The following ARSB variants were observed in gnomAD, a reference collection of about 807,000 sequenced individuals.
ARSB encodes the protein N-acetylgalactosamine-4-sulfatase.
ARSB carries 41 observed loss-of-function variants against 50.9 expected under a neutral mutation model. The ratio of observed to expected loss-of-function variants is 0.81; its 90% CI spans 0.63 to 1.04. ARSB has a LOEUF of 1.04. ARSB is among the 50% of genes least tolerant of loss of function. ARSB has a pLI of 0.00. For synonymous variants in ARSB, 269 were observed against 284.8 expected (o/e 0.94, Z 0.56); for missense variants, 672 against 693.3 (o/e 0.97, Z 0.35).
At chr5:78,984,839 G>C (rs980523049) in intron 1 of ARSB, 98 bp downstream of exon 1, 1 of 1,032,192 alleles carries the variant, frequency 9.7e-7, no homozygotes, top group South Asian at 4.8e-5. Flanking sequence ...TCCGAGCCCC[G>C]CCTGCCAGCG....
chr5:78,854,040 G>C (rs993310636), intron 5 of ARSB, among the ~76,000 whole-genome samples: 2 of 152,260 alleles, frequency 1.3e-5, no homozygotes, highest in Non-Finnish European at 2.9e-5. Flanking sequence ...GCCCTGCTTA[G>C]GCTTGCGCAT....
intron 5 of ARSB, among the ~76,000 whole-genome samples, chr5:78,848,764 A>T (rs1289952530): frequency 6.6e-6 from 1 of 152,196 alleles, no homozygotes; most frequent in Non-Finnish European, 1.5e-5. Context: ...TTGCCATTCT[A>T]ACTGGTGTGA....
intron 5 of ARSB, among the ~76,000 whole-genome samples, chr5:78,873,955 A>G (rs1465415349): frequency 6.6e-6 from 1 of 152,250 alleles, no homozygotes; most frequent in Non-Finnish European, 1.5e-5. Context: ...AATAGTGATA[A>G]TAAAAAATCT....
At chr5:78,841,567 G>A (rs1187757670) in intron 5 of ARSB, among the ~76,000 whole-genome samples, 1 of 151,832 alleles carries the variant, frequency 6.6e-6, no homozygotes, top group South Asian at 2.1e-4. Context: ...AAAATTTCAG[G>A]GCCAGTATAT....
At chr5:78,899,594 C>T (rs926635988) in intron 4 of ARSB, among the ~76,000 whole-genome samples, 1 of 152,170 alleles carries the variant, frequency 6.6e-6, no homozygotes, top group African/African-American at 2.4e-5. Context: ...CTGCTTGGCT[C>T]ACTCTGCTGC....
chr5:78,914,680 A>C (rs1749461395), intron 4 of ARSB, among the ~76,000 whole-genome samples: 1 of 152,140 alleles, frequency 6.6e-6, no homozygotes, highest in Non-Finnish European at 1.5e-5. Context: ...TTATTTCATG[A>C]AAGTCTTTGT....
chr5:78,954,740 G>T (rs1751643291), intron 4 of ARSB, among the ~76,000 whole-genome samples: 1 of 152,134 alleles, frequency 6.6e-6, no homozygotes, highest in Non-Finnish European at 1.5e-5. Context: ...CCTGACCTCA[G>T]TTGATCCACC....
chr5:78,850,094 C>T (rs1745685231), intron 5 of ARSB, among the ~76,000 whole-genome samples: 1 of 151,766 alleles, frequency 6.6e-6, no homozygotes, highest in African/African-American at 2.4e-5. Flanking sequence ...ACTTCCAACA[C>T]TATGTTGAAT....
chr5:78,839,344 A>C lies in ARSB; in HGVS notation c.1213+12T>G. 6.2e-7 allele frequency: 1 copy of C among 1,611,638 alleles called. No individual in the cohort carries two copies. Among genetic ancestry groups the C allele is most frequent in the African/African-American group, 1.3e-5 (1 of 74,932 alleles). ...ATTAGATTTAATCTAGTAGCAATGC[A>C]CTGGTACTCACACGGTGAAGAGTCC... On this transcript the variant is annotated intron_variant, in intron 6 of 7. Transcript: ENST00000264914.
chr5:78,964,687 A>G (rs1752133612), intron 2 of ARSB, 81 bp from the exon 3 acceptor site: 2 of 1,304,296 alleles, frequency 1.5e-6, no homozygotes, highest in Admixed American at 3.6e-5. Flanking sequence ...TAATTGCCTA[A>G]TGCAATTGAT....
chr5:78,917,557 G>C (rs2112338998), intron 4 of ARSB, among the ~76,000 whole-genome samples: 1 of 152,122 alleles, frequency 6.6e-6, no homozygotes, highest in African/African-American at 2.4e-5. Flanking sequence ...CTATCATCCA[G>C]GCTGGAGTGT....
At chr5:78,935,273 A>G (rs1750527249) in intron 4 of ARSB, among the ~76,000 whole-genome samples, 1 of 152,238 alleles carries the variant, frequency 6.6e-6, no homozygotes, top group Non-Finnish European at 1.5e-5. Flanking sequence ...AGACTGCTTT[A>G]AAAAATAATT....
At chr5:78,860,479 T>C (rs1332914170) in intron 5 of ARSB, among the ~76,000 whole-genome samples, 1 of 151,640 alleles carries the variant, frequency 6.6e-6, no homozygotes, top group Non-Finnish European at 1.5e-5. Flanking sequence ...CACTACTACA[T>C]GGAAACTGAA....
At chr5:78,853,136 T>A (rs976330354) in intron 5 of ARSB, among the ~76,000 whole-genome samples, 4 of 152,198 alleles carry the variant, frequency 2.6e-5, no homozygotes, top group Admixed American at 2.6e-4. Context: ...AGGCGCTCTG[T>A]TTTTAGAGTT....
intron 6 of ARSB, among the ~76,000 whole-genome samples, chr5:78,783,031 C>G (rs901372846): frequency 6.6e-6 from 1 of 152,042 alleles, no homozygotes; most frequent in Non-Finnish European, 1.5e-5. Flanking sequence ...TGTGGAAGAC[C>G]CTGGTGGGTC....
At chr5:78,831,209 G>T (rs1744668631) in intron 6 of ARSB, among the ~76,000 whole-genome samples, 2 of 152,052 alleles carry the variant, frequency 1.3e-5, no homozygotes, top group Admixed American at 1.3e-4. Context: ...ATGGCTGGAA[G>T]AACTTACCCA....
intron 6 of ARSB, among the ~76,000 whole-genome samples, chr5:78,795,259 T>A (rs571467584): frequency 3.7e-4 from 57 of 152,342 alleles, no homozygotes; most frequent in African/African-American, 1.3e-3. Context: ...TCCACCTTGG[T>A]TCATCTTTGG....
chr5:78,887,883 T>C (rs58144181), intron 4 of ARSB, among the ~76,000 whole-genome samples: 5,526 of 152,246 alleles, frequency 0.036, 333 homozygotes, highest in African/African-American at 0.12. Context: ...CTCAGCAAAG[T>C]GTACACTCTT....
At chr5:78,885,440 T>C in intron 5 of ARSB, 144 bp downstream of exon 5, 1 of 1,201,638 alleles carries the variant, frequency 8.3e-7, no homozygotes, top group Non-Finnish European at 1.1e-6. Flanking sequence ...TTACAATGTC[T>C]CTAAAGGCAC....
Sources: allele counts gnomAD v4.1 joint callset (sites outside exome capture counted in the v4.1 genomes callset), GRCh38; gene constraint gnomAD v4.1.1; transcripts MANE v1.5; gene names NCBI Gene and HGNC (gene_info 2026-07-23, HGNC 2026-07-21).